The following CORO7 variants were observed in gnomAD, a reference collection of about 807,000 sequenced individuals.
CORO7 encodes coronin 7, also known as coronin-7.
Under a neutral mutation model 126.6 loss-of-function variants are expected in CORO7, and 107 were observed. The observed-to-expected ratio is 0.85, with a 90% CI of 0.72 to 0.99. The LOEUF is 0.99. Among genes scored for constraint, CORO7 ranks in the 50% least tolerant of loss-of-function variants. The probability of loss-of-function intolerance (pLI) is 0.00; values close to 1 mark genes in which losing one functional copy is unlikely to be tolerated. For missense variants in CORO7, 1,314 were observed against 1,255.8 expected, an observed-to-expected ratio of 1.05 and a Z score of -0.70; for synonymous variants, 603 against 536.8, an observed-to-expected ratio of 1.12 and a Z score of -1.70.
Position 4,357,110 on chromosome 16 carries a change from T to C in CORO7, c.2685+58A>G, listed in dbSNP as rs1269116972. 1.6e-5 allele frequency: 25 copies of C among 1,606,576 alleles called. No individual in the cohort carries two copies. The East Asian group carries it at 5.4e-4, about 34-fold the overall frequency. ...TTGGGGATGGAGAACTAAGGGGCCGTGGCCAGGTGCAGCCAGGACTCTGTC... is the reference window on the plus strand; with the variant it reads ...TTGGGGATGGAGAACTAAGGGGCCGCGGCCAGGTGCAGCCAGGACTCTGTC... On this transcript the variant is annotated intron_variant, in intron 26 of 27. Coordinates refer to ENST00000251166, the MANE Select transcript of CORO7 (RefSeq NM_024535.5).
intron 7 of CORO7, among the ~76,000 whole-genome samples, chr16:4,390,749 C>CCAT: frequency 1.3e-5 from 2 of 152,316 alleles, no homozygotes; most frequent in South Asian, 4.1e-4. Context: ...AGAGACGAAG[C>CCAT]CATGGTGCAA....
chr16:4,373,512 C>T (rs1475369318), intron 9 of CORO7, among the ~76,000 whole-genome samples: 1 of 152,112 alleles, frequency 6.6e-6, no homozygotes, highest in African/African-American at 2.4e-5. Flanking sequence ...TGGGATTCAG[C>T]ATAAGGAGCC....
chr16:4,388,211 AC>A (rs2055264270), intron 8 of CORO7, 143 bp from the exon 9 acceptor site: 15 of 1,036,972 alleles, frequency 1.4e-5, no homozygotes, highest in Non-Finnish European at 1.4e-6. Flanking sequence ...GGTGGGAGTC[AC>A]CCCAGGGAAA....
Position 4,357,255 on chromosome 16 carries a change from G to A in CORO7, c.2598C>T (p.Ser866=). Residue 866 remains serine, a synonymous_variant, in exon 26 of 28, where the codon AGC becomes AGT. Coordinates refer to ENST00000251166, the MANE Select transcript of CORO7 (RefSeq NM_024535.5). ...GAGCAGGGGCCTCTCGGGGGGCTTG[G>A]CTCACTGGGACAGAGCAAGGACACG... ...SLQPPDMSPV[S]QAPREAPARR... is the part of the protein sequence containing the mutation. The A allele has an allele frequency of 6.2e-7, 1 of 1,612,898 alleles. No homozygotes were observed.
chr16:4,382,664 C>T lies in CORO7; in HGVS notation c.785+5322G>A, dbSNP rs532997337. Reference sequence around the variant, plus strand: ...GCCGCGCTGGCTGCGGTGGGGGCAGCCTACTGTGTGCGGCGGGGGCGGGCC... The same window carrying T: ...GCCGCGCTGGCTGCGGTGGGGGCAGTCTACTGTGTGCGGCGGGGGCGGGCC... On this transcript the variant is annotated intron_variant, in intron 9 of 27. Transcript: ENST00000251166. The T allele has an allele frequency of 6.4e-5, 100 of 1,552,124 alleles. 1 individual carries two copies. The East Asian group carries it at 2.4e-3, about 37-fold the overall frequency.
chr16:4,409,111 G>T (rs548553794), intron 3 of CORO7, among the ~76,000 whole-genome samples: 95 of 152,326 alleles, frequency 6.2e-4, no homozygotes, highest in Admixed American at 5.7e-3. Flanking sequence ...GGGTTTCGGG[G>T]TGTGAACAGG....
intron 7 of CORO7, among the ~76,000 whole-genome samples, chr16:4,389,480 G>C (rs1048551348): frequency 3.3e-5 from 5 of 152,194 alleles, no homozygotes; most frequent in African/African-American, 1.2e-4. Context: ...CGATCTCCTT[G>C]GGAATGAATG....
At chr16:4,385,478 C>T (rs1025940793) in intron 9 of CORO7, among the ~76,000 whole-genome samples, 17 of 152,212 alleles carry the variant, frequency 1.1e-4, no homozygotes, top group African/African-American at 4.1e-4. Flanking sequence ...TCAATTCACA[C>T]CCAGAAGCGT....
chr16:4,365,809 C>T (rs566042460), intron 9 of CORO7, among the ~76,000 whole-genome samples: 2 of 152,252 alleles, frequency 1.3e-5, no homozygotes, highest in East Asian at 1.9e-4. Context: ...CAGGGGAACT[C>T]GGGCCCGATC....
intron 6 of CORO7, among the ~76,000 whole-genome samples, chr16:4,400,365 G>A (rs1250498030): frequency 2.6e-5 from 4 of 152,172 alleles, no homozygotes; most frequent in African/African-American, 7.2e-5. Context: ...CAGGCATGGT[G>A]GCTCACACCT....
At chr16:4,410,818 T>C (rs2056177313) in intron 3 of CORO7, among the ~76,000 whole-genome samples, 2 of 152,344 alleles carry the variant, frequency 1.3e-5, no homozygotes, top group African/African-American at 4.8e-5. Context: ...ACTCTGCAGT[T>C]GTTGCAAGAA....
At position 4,357,089 on chromosome 16, in the gene CORO7, G is replaced by T. The variant is rs890780266; in HGVS notation, c.2685+79C>A. 1.9e-6 allele frequency: 3 copies of T among 1,567,438 alleles called. No individual in the cohort carries two copies. In the South Asian group the frequency reaches 3.4e-5, roughly 18 times the overall value. On this transcript the variant is annotated intron_variant, in intron 26 of 27. Transcript: ENST00000251166. The stretch of plus-strand genomic sequence containing the variant: ...TGGCTGCTGTCCCAGTCTGGGTTGG[G>T]GATGGAGAACTAAGGGGCCGTGGCC...
At position 4,381,158 on chromosome 16, in the gene CORO7, G is replaced by A. The variant is rs61729358; in HGVS notation, c.785+6828C>T. On this transcript the variant is annotated intron_variant, in intron 9 of 27. Coordinates refer to ENST00000251166, the MANE Select transcript of CORO7 (RefSeq NM_024535.5). ...AACCAGATCGCCAGCCTGCCCAGCG[G>A]GGTCTTCCAGCCACTCGCCAACCTC... 3.4e-4 allele frequency: 541 copies of A among 1,611,400 alleles called. 2 individuals are homozygous for A. The African/African-American group carries it at 6.6e-3, about 20-fold the overall frequency.
intron 14 of CORO7, chr16:4,363,289 A>AGGGCCG (rs1484535156): frequency 1.3e-5 from 2 of 152,230 alleles, no homozygotes; most frequent in Non-Finnish European, 2.9e-5. Context: ...AAAATTGGCC[A>AGGGCCG]GGCGCGGTGG....
chr16:4,360,181 G>A (rs749964213), intron 21 of CORO7, 97 bp downstream of exon 21: 79 of 1,513,830 alleles, frequency 5.2e-5, no homozygotes, highest in Non-Finnish European at 6.7e-5. Context: ...TGAGGGGCAG[G>A]AATGGTTTCT....
At chr16:4,402,232 C>A (rs927726511) in intron 6 of CORO7, among the ~76,000 whole-genome samples, 1 of 146,980 alleles carries the variant, frequency 6.8e-6, no homozygotes, top group Non-Finnish European at 1.5e-5. Context: ...GCCACTGCAC[C>A]CGGCCAGTTT....
rs143265649 is a variant in CORO7, at chr16:4,381,886, C to T, written c.785+6100G>A. 2.9e-5 allele frequency: 46 copies of T among 1,604,972 alleles called. No individual in the cohort carries two copies. In the Admixed American group the frequency reaches 3.0e-4, roughly 10 times the overall value. On this transcript the variant is annotated intron_variant, in intron 9 of 27. Coordinates refer to ENST00000251166, the MANE Select transcript of CORO7 (RefSeq NM_024535.5). ...CCACTTCCCGCCCAAGAACGCTGGC[C>T]GGCTGCTCCTGGAGCTTGACTACGC...
intron 21 of CORO7, among the ~76,000 whole-genome samples, 167 bp from the exon 22 acceptor site, chr16:4,359,788 C>T (rs1274427323): frequency 1.3e-5 from 2 of 151,978 alleles, no homozygotes; most frequent in South Asian, 2.1e-4. Context: ...CTGGGTTCCC[C>T]ATTGACTCTT....
At chr16:4,368,644 A>G (rs923973133) in intron 9 of CORO7, among the ~76,000 whole-genome samples, 1 of 150,396 alleles carries the variant, frequency 6.6e-6, no homozygotes, top group Non-Finnish European at 1.5e-5. Context: ...GCTACTCAGG[A>G]GGCTGAGGCA....
Sources: allele counts gnomAD v4.1 joint callset (sites outside exome capture counted in the v4.1 genomes callset), GRCh38; gene constraint gnomAD v4.1.1; transcripts MANE v1.5; gene names NCBI Gene and HGNC (gene_info 2026-07-23, HGNC 2026-07-21).